Variants in TP53BP2 observed in about 807,000 individuals in gnomAD.
TP53BP2 encodes the protein apoptosis-stimulating of p53 protein 2.
In TP53BP2, 62 loss-of-function variants were observed where a neutral mutation model predicts 126.2. That is an observed-to-expected ratio of 0.49 (90% CI 0.40 to 0.61). The LOEUF (loss-of-function observed/expected upper bound fraction) is 0.61. Among genes scored for constraint, TP53BP2 ranks in the 20% least tolerant of loss-of-function variants. TP53BP2 has a pLI of 0.00. For synonymous variants in TP53BP2, 485 were observed against 502.9 expected (o/e 0.96, Z 0.48); for missense variants, 1,215 against 1,402.8 (o/e 0.87, Z 2.14).
intron 2 of TP53BP2, among the ~76,000 whole-genome samples, chr1:223,814,927 C>T (rs1663036247): frequency 6.6e-6 from 1 of 152,028 alleles, no homozygotes; most frequent in African/African-American, 2.4e-5. Flanking sequence ...AGTGAGAATA[C>T]CAGTGTCAGA....
chr1:223,811,095 T>C (rs1662894606), intron 3 of TP53BP2, among the ~76,000 whole-genome samples: 1 of 152,174 alleles, frequency 6.6e-6, no homozygotes, highest in South Asian at 2.1e-4. Context: ...TTGTTTAAGT[T>C]TGTGAAGGTA....
intron 5 of TP53BP2, among the ~76,000 whole-genome samples, chr1:223,805,348 T>C (rs1252371672): frequency 1.3e-5 from 2 of 152,236 alleles, no homozygotes; most frequent in African/African-American, 4.8e-5. Flanking sequence ...TTTTTGACTA[T>C]ATATCCTTGC....
In TP53BP2 at chr1:223,780,829, T is replaced by A; in HGVS notation, c.*24A>T. 6.2e-7 allele frequency: 1 copy of A among 1,611,182 alleles called. No individual in the cohort carries two copies. Among genetic ancestry groups the A allele is most frequent in the Admixed American group, 1.7e-5 (1 of 59,432 alleles). On this transcript the variant is annotated 3_prime_UTR_variant, in exon 18 of 18. Transcript: ENST00000343537. ...TTCTTAACAGAGATTAATTCTTCAT[T>A]GACTAAAATTCTGTGTGGAAGTTTC...
intron 15 of TP53BP2, among the ~76,000 whole-genome samples, chr1:223,792,035 T>A (rs1424855221): frequency 6.6e-6 from 1 of 152,214 alleles, no homozygotes; most frequent in East Asian, 1.9e-4. Context: ...GACATTAATA[T>A]ATTGAAGACT....
Position 223,796,538 on chromosome 1 carries a change from C to A in TP53BP2, c.2001G>T (p.Glu667Asp), listed in dbSNP as rs1365380205. 2 of 1,613,748 alleles carry A rather than the reference C, an allele frequency of 1.2e-6. No individual in the cohort carries two copies. Among genetic ancestry groups the A allele is most frequent in the East Asian group, 4.5e-5 (2 of 44,858 alleles). Reference protein sequence around the residue: ...AAAQNQQQHPENIYSNSQGKP... With the variant: ...AAAQNQQQHPDNIYSNSQGKP... ...TGCCCTGGCTATTGGAATAAATGTT[C>A]TCTGGGTGCTGCTGTTGATTCTGGG... Residue 667 changes from glutamate (E) to aspartate (D), a missense_variant, in exon 13 of 18, where the codon GAG becomes GAT. By Grantham distance (45) the Glu-to-Asp change is conservative. Around this residue, in one of 4 missense-constraint regions of TP53BP2, gnomAD observed 814 missense variants for 853.0 expected, o/e 0.95. Coordinates refer to ENST00000343537, the MANE Select transcript of TP53BP2 (RefSeq NM_001031685.3). The surrounding 1 kb of genome is among the most constrained non-coding windows in gnomAD (Gnocchi z 4.2).
At chr1:223,820,673 T>C (rs1346063582) in intron 2 of TP53BP2, among the ~76,000 whole-genome samples, 5 of 152,138 alleles carry the variant, frequency 3.3e-5, no homozygotes, top group African/African-American at 1.2e-4. Flanking sequence ...CCAGCCTGTG[T>C]AGGAACAAGG....
intron 1 of TP53BP2, among the ~76,000 whole-genome samples, chr1:223,844,801 TTGTC>T (rs1664213789): frequency 6.6e-6 from 1 of 152,190 alleles, no homozygotes; most frequent in Admixed American, 6.5e-5. Flanking sequence ...TTTTGTTTCT[TTGTC>T]TGAACAAATG....
At chr1:223,831,164 C>T (rs1350789078) in intron 1 of TP53BP2, among the ~76,000 whole-genome samples, 65 of 150,636 alleles carry the variant, frequency 4.3e-4, no homozygotes, top group Non-Finnish European at 1.5e-5. Context: ...GGGAGGATCA[C>T]TTCAGGCCAG....
chr1:223,821,437 T>C (rs1571866640), intron 1 of TP53BP2, 70 bp from the exon 2 acceptor site: 4 of 1,598,468 alleles, frequency 2.5e-6, no homozygotes, highest in Non-Finnish European at 3.4e-6. Context: ...CTTAAATTCC[T>C]TTCTCCAAAC....
In TP53BP2 at chr1:223,803,323, T is replaced by A. The variant is rs565984206; in HGVS notation, c.779A>T (p.His260Leu). The change falls in exon 7 of 18, where the codon CAT (histidine) becomes CTT (leucine). Residue 260 changes from histidine (H) to leucine (L), a missense_variant. By Grantham distance (99) the His-to-Leu change is moderately conservative (BLOSUM62 -3). Around this residue, in one of 4 missense-constraint regions of TP53BP2, gnomAD observed 814 missense variants for 853.0 expected, o/e 0.95. Coordinates refer to ENST00000343537, the MANE Select transcript of TP53BP2 (RefSeq NM_001031685.3). The stretch of plus-strand genomic sequence containing the variant: ...CTCAGCCACTGCAGACTGATTGTCA[T>A]GGTGGCTGTCGATCCTGCCGTTCTT... The part of the protein sequence containing the change: ...MLKNGRIDSH[H>L]DNQSAVAELD... 3.1e-6 allele frequency: 5 copies of A among 1,613,658 alleles called. No individual in the cohort carries two copies. The highest frequency in any genetic ancestry group is 3.4e-6 in the Non-Finnish European group (4 of 1,179,858).
intron 13 of TP53BP2, among the ~76,000 whole-genome samples, chr1:223,794,517 A>G (rs950407907): frequency 1.3e-5 from 2 of 152,190 alleles, no homozygotes; most frequent in African/African-American, 2.4e-5. Context: ...ACACCTTCCT[A>G]GGAAGAGAAC....
intron 16 of TP53BP2, among the ~76,000 whole-genome samples, chr1:223,785,874 C>T (rs1412255199): frequency 1.3e-5 from 2 of 151,836 alleles, no homozygotes; most frequent in Non-Finnish European, 2.9e-5. Context: ...TCAAAGAGAA[C>T]GTGGAGTAAA....
Position 223,795,983 on chromosome 1 carries a change from A to G in TP53BP2, c.2556T>C (p.Asn852=). 1.2e-6 allele frequency: 2 copies of G among 1,614,068 alleles called. No homozygotes were observed. Among genetic ancestry groups the G allele is most frequent in the Admixed American group, 3.3e-5 (2 of 60,014 alleles). Residue 852 remains asparagine, a synonymous_variant, in exon 13 of 18, where the codon AAT becomes AAC. Transcript: ENST00000343537. ...CCTCTGGATTTGGTTCTTCTGGGTT[A>G]TTCTGGAGATTTGGGCTGTTGTCTG... is the stretch of plus-strand genomic sequence containing the variant. ...GVPDNSPNLQ[N]NPEEPNPEAP...
chr1:223,836,639 C>T (rs1481228587), intron 1 of TP53BP2, among the ~76,000 whole-genome samples: 2 of 152,124 alleles, frequency 1.3e-5, no homozygotes, highest in Admixed American at 6.5e-5. Context: ...TTCAGAAAGA[C>T]CACCAGGGAA....
At chr1:223,800,216 C>T (rs1302926181) in intron 10 of TP53BP2, among the ~76,000 whole-genome samples, 169 bp from the exon 11 acceptor site, 1 of 151,382 alleles carries the variant, frequency 6.6e-6, no homozygotes, top group Non-Finnish European at 1.5e-5. Context: ...AATGATCGTA[C>T]CTGAGTTCTC....
intron 1 of TP53BP2, among the ~76,000 whole-genome samples, chr1:223,839,907 T>C (rs1049846442): frequency 2.0e-5 from 3 of 152,066 alleles, no homozygotes; most frequent in Non-Finnish European, 2.9e-5. Flanking sequence ...GCCACTGCAC[T>C]CCAGCCTGGG....
intron 1 of TP53BP2, among the ~76,000 whole-genome samples, chr1:223,826,405 G>C (rs770037978): frequency 3.9e-5 from 6 of 152,126 alleles, no homozygotes; most frequent in African/African-American, 1.4e-4. Context: ...TGATACTGCC[G>C]GTCTAGAAAC....
chr1:223,781,863 G>GA (rs150204617), intron 17 of TP53BP2, among the ~76,000 whole-genome samples: 3,702 of 151,910 alleles, frequency 0.024, 134 homozygotes, highest in African/African-American at 0.085. Context: ...CTTCTAACAA[G>GA]AAAAGATTTT....
At position 223,802,132 on chromosome 1, in the gene TP53BP2, A is replaced by G. The variant is rs749933033; in HGVS notation, c.1209T>C (p.Ala403=). The change falls in exon 9 of 18, where the codon GCT becomes GCC. Residue 403 remains alanine, a synonymous_variant. Coordinates refer to ENST00000343537, the MANE Select transcript of TP53BP2 (RefSeq NM_001031685.3). ...ACTTTTTACCTTTAGTTTGTGAAGCAGCCCCAGATCTCATGTTGGGCAGTG... is the reference window on the plus strand; with the variant it reads ...ACTTTTTACCTTTAGTTTGTGAAGCGGCCCCAGATCTCATGTTGGGCAGTG... ...IQTLPNMRSG[A]ASQTKGSKIH... 3 of 1,614,194 alleles carry G rather than the reference A, an allele frequency of 1.9e-6. No homozygotes were observed. The highest frequency in any genetic ancestry group is 1.7e-6 in the Non-Finnish European group (2 of 1,180,008).
Sources: allele counts gnomAD v4.1 joint callset (sites outside exome capture counted in the v4.1 genomes callset), GRCh38; gene constraint gnomAD v4.1.1; regional missense constraint gnomAD v4.1.1; non-coding constraint Gnocchi (gnomAD v3.1); transcripts MANE v1.5; gene names NCBI Gene and HGNC (gene_info 2026-07-23, HGNC 2026-07-21).